The following PBRM1 variants were observed in gnomAD, a reference collection of about 807,000 sequenced individuals.
The protein encoded by PBRM1 is protein polybromo-1.
In PBRM1, 27 loss-of-function variants were observed where a neutral mutation model predicts 194.5. The observed-to-expected ratio is 0.14, with a 90% CI of 0.10 to 0.19. The LOEUF (loss-of-function observed/expected upper bound fraction) is 0.19. Among genes scored for constraint, PBRM1 ranks in the 10% least tolerant of loss-of-function variants. The pLI, the probability that PBRM1 is intolerant of heterozygous loss-of-function variation, is 1.00. For synonymous variants in PBRM1, 655 were observed against 693.2 expected (o/e 0.94, Z 0.87); for missense variants, 1,466 against 2,077.2 (o/e 0.71, Z 5.72).
chr3:52,567,752 C>T (rs1404346466), intron 22 of PBRM1, among the ~76,000 whole-genome samples: 1 of 150,870 alleles, frequency 6.6e-6, no homozygotes, highest in Non-Finnish European at 1.5e-5. Flanking sequence ...CTGCCTCAGC[C>T]TCCCGAGTAG....
chr3:52,565,548 G>T (rs2084922104), intron 22 of PBRM1, among the ~76,000 whole-genome samples: 1 of 150,622 alleles, frequency 6.6e-6, no homozygotes. Flanking sequence ...AAGAACTTTT[G>T]TGCTCCAAAG....
chr3:52,622,080 A>G (rs2095299717), intron 13 of PBRM1, among the ~76,000 whole-genome samples: 1 of 151,390 alleles, frequency 6.6e-6, no homozygotes, highest in African/African-American at 2.4e-5. Flanking sequence ...TGGCTCACAC[A>G]TGTAATCCCA....
intron 22 of PBRM1, 36 bp downstream of exon 24, chr3:52,576,505 A>G: frequency 6.5e-7 from 1 of 1,547,496 alleles, no homozygotes; most frequent in African/African-American, 1.4e-5. Context: ...TTTTGATGGA[A>G]TAAACACGAT....
chr3:52,599,829 C>CA lies in PBRM1; in HGVS notation c.2779+3691dup, dbSNP rs534552603. The stretch of plus-strand genomic sequence containing the variant: ...TGGGCAACAGAGTGAGACTCCATCT[C>CA]AAAAAAAAAAAAAATTTTTTTTTAC... On this transcript the variant is annotated intron_variant, in intron 17 of 29. Transcript: ENST00000296302. Among the ~76,000 whole-genome samples, 740 of 120,014 alleles carry CA rather than the reference C, an allele frequency of 6.2e-3. 3 individuals are homozygous for CA. Among genetic ancestry groups the CA allele is most frequent in the Middle Eastern group, 0.01 (2 of 194 alleles). The allele number at this position is 120,014 out of a possible 152,430, so 78.7% of individuals were successfully genotyped here.
intron 17 of PBRM1, among the ~76,000 whole-genome samples, chr3:52,597,618 G>C (rs973077703): frequency 6.6e-6 from 1 of 151,984 alleles, no homozygotes; most frequent in Non-Finnish European, 1.5e-5. Context: ...CAGGGTACTG[G>C]CACCATCACA....
At chr3:52,605,822 C>T (rs1165126727) in intron 16 of PBRM1, among the ~76,000 whole-genome samples, 1 of 151,888 alleles carries the variant, frequency 6.6e-6, no homozygotes. Flanking sequence ...AGGCTGGTCT[C>T]GAACTCCTGA....
At chr3:52,575,508 C>CTTTTTTTTTTT (rs1177139118) in intron 22 of PBRM1, among the ~76,000 whole-genome samples, 4 of 87,138 alleles carry the variant, frequency 4.6e-5, no homozygotes, top group Non-Finnish European at 8.6e-5. Flanking sequence ...AATCAATTGT[C>CTTTTTTTTTTT]TTTTTTTTTT....
At chr3:52,685,500 G>A (rs2097297952) in intron 1 of PBRM1, 1 of 152,070 alleles carries the variant, frequency 6.6e-6, no homozygotes, top group African/African-American at 2.4e-5. Context: ...CGACGAGCGG[G>A]AAAGAGGAGC....
chr3:52,634,727 T>C (rs765599824), exon 11 of PBRM1: 1 of 1,613,776 alleles, frequency 6.2e-7, no homozygotes. Context: ...AACTCCTAAC[T>C]GTGTCATAAA....
At chr3:52,577,031 C>T (rs774694738) in intron 21 of PBRM1, among the ~76,000 whole-genome samples, 10 of 152,132 alleles carry the variant, frequency 6.6e-5, no homozygotes, top group Admixed American at 6.5e-5. Flanking sequence ...TGTCATTGGA[C>T]TTGTGAACCA....
intron 22 of PBRM1, among the ~76,000 whole-genome samples, chr3:52,570,287 T>C (rs1322495640): frequency 6.6e-6 from 1 of 152,108 alleles, no homozygotes; most frequent in African/African-American, 2.4e-5. Flanking sequence ...AGAACATCCC[T>C]ATTTTGCTCT....
chr3:52,636,098 C>G (rs1025411770), intron 10 of PBRM1, among the ~76,000 whole-genome samples: 2 of 151,940 alleles, frequency 1.3e-5, no homozygotes, highest in African/African-American at 4.8e-5. Flanking sequence ...GTCTCGATCT[C>G]CTGACCTCGT....
chr3:52,636,899 A>G (rs556362332), intron 10 of PBRM1, among the ~76,000 whole-genome samples: 2 of 150,334 alleles, frequency 1.3e-5, no homozygotes, highest in Admixed American at 6.6e-5. Context: ...TAAGAGCTTG[A>G]TAAGTACCAG....
In PBRM1 at chr3:52,581,795, G is replaced by A. The variant is rs563928869; in HGVS notation, c.3388-2596C>T. ...TGAGATTACAGGCACGTGCCACCAC[G>A]CCTGGCTAATTTTTGTATTTTTAGT... On this transcript the variant is annotated intron_variant, in intron 20 of 29. Transcript: ENST00000296302. Among the ~76,000 whole-genome samples the A allele has an allele frequency of 6.6e-5, 10 of 151,274 alleles. 1 individual carries two copies. The Middle Eastern group carries it at 0.01, about 154-fold the overall frequency.
chr3:52,636,035 G>GT (rs71084198), intron 10 of PBRM1, among the ~76,000 whole-genome samples: 6 of 150,644 alleles, frequency 4.0e-5, no homozygotes, highest in South Asian at 2.1e-4. Flanking sequence ...GGCCAATTTG[G>GT]TTTTTTTTTG....
intron 20 of PBRM1, among the ~76,000 whole-genome samples, chr3:52,582,045 C>T (rs1472651769): frequency 2.6e-5 from 4 of 151,914 alleles, no homozygotes; most frequent in African/African-American, 7.3e-5. Flanking sequence ...GAGTTCAAGA[C>T]CAGCTTGACC....
chr3:52,570,433 TA>T (rs2086676750), intron 22 of PBRM1, among the ~76,000 whole-genome samples: 1 of 152,248 alleles, frequency 6.6e-6, no homozygotes, highest in African/African-American at 2.4e-5. Flanking sequence ...TTTATTTACA[TA>T]ATTCAAAGGC....
intron 26 of PBRM1, among the ~76,000 whole-genome samples, chr3:52,557,852 T>A (rs1030823414): frequency 6.6e-6 from 1 of 152,218 alleles, no homozygotes; most frequent in African/African-American, 2.4e-5. Flanking sequence ...GCAAACTGAA[T>A]ACTGGAATGA....
rs951358570 is a variant in PBRM1 at position 52,662,696 on chromosome 3, C to T, written c.385-420G>A. ...CAAAAATTAGCTGGGCGTGGTGGTA[C>T]GCACCTGTGGTCCCAGCTACTTGGG... On this transcript the variant is annotated intron_variant, in intron 3 of 29. Coordinates refer to ENST00000296302, the Ensembl canonical transcript of PBRM1. Among the ~76,000 whole-genome samples, 32 of 151,952 alleles carry T rather than the reference C, an allele frequency of 2.1e-4. 1 individual carries two copies. Among genetic ancestry groups the T allele is most frequent in the East Asian group, 3.9e-4 (2 of 5,166 alleles).
Sources: allele counts gnomAD v4.1 joint callset (sites outside exome capture counted in the v4.1 genomes callset), GRCh38; gene constraint gnomAD v4.1.1; transcripts MANE v1.5; gene names NCBI Gene and HGNC (gene_info 2026-07-23, HGNC 2026-07-21).